The following CTNNA2 variants were observed in gnomAD, a reference collection of about 807,000 sequenced individuals.
The protein encoded by CTNNA2 is catenin alpha 2.
A neutral mutation model predicts 101.0 loss-of-function variants in CTNNA2; 42 were observed. The ratio of observed to expected loss-of-function variants is 0.42; its 90% CI spans 0.32 to 0.54. The LOEUF (loss-of-function observed/expected upper bound fraction) is 0.54, where lower values mean the gene tolerates loss of function less well. Ranked by LOEUF, CTNNA2 falls within the 20% of genes least tolerant of loss-of-function variation. CTNNA2 has a pLI of 0.14. For synonymous variants in CTNNA2, 450 were observed against 456.4 expected (o/e 0.99, Z 0.18); for missense variants, 871 against 1,223.1 (o/e 0.71, Z 4.29).
chr2:80,282,870 T>C (rs997688108), intron 7 of CTNNA2, among the ~76,000 whole-genome samples: 3 of 150,916 alleles, frequency 2.0e-5, no homozygotes, highest in Admixed American at 1.3e-4. Flanking sequence ...ATGGTTCAAG[T>C]TTTTTTTTCA....
chr2:79,403,199 C>T (rs1678307986), intron 4 of CTNNA2, among the ~76,000 whole-genome samples: 2 of 151,626 alleles, frequency 1.3e-5, no homozygotes, highest in African/African-American at 2.4e-5. Flanking sequence ...ACCTAACAAA[C>T]TAGACAATAA....
chr2:80,441,679 G>A (rs1429829930), intron 9 of CTNNA2, among the ~76,000 whole-genome samples: 1 of 152,118 alleles, frequency 6.6e-6, no homozygotes, highest in African/African-American at 2.4e-5. Context: ...GTGTAGAAAG[G>A]TCTGAAAATA....
At chr2:79,580,340 A>G (rs1297435136) in intron 1 of CTNNA2, among the ~76,000 whole-genome samples, 1 of 152,124 alleles carries the variant, frequency 6.6e-6, no homozygotes, top group African/African-American at 2.4e-5. Flanking sequence ...ATTGGCTTTG[A>G]GTTGGAAAAG....
intron 1 of CTNNA2, among the ~76,000 whole-genome samples, chr2:79,639,002 G>A (rs1309090913): frequency 6.6e-6 from 1 of 152,122 alleles, no homozygotes; most frequent in African/African-American, 2.4e-5. Flanking sequence ...CAATTCAAAA[G>A]ATCATTGATT....
chr2:80,380,028 CTTTTTTTTTTTT>C (rs769794108), intron 7 of CTNNA2, among the ~76,000 whole-genome samples: 13 of 86,522 alleles, frequency 1.5e-4, no homozygotes, highest in African/African-American at 5.2e-4. Context: ...TCGAGATGTA[CTTTTTTTTTTTT>C]TTTTTTTTTT....
chr2:79,598,754 A>T (rs939590505), intron 1 of CTNNA2, among the ~76,000 whole-genome samples: 1 of 152,130 alleles, frequency 6.6e-6, no homozygotes, highest in African/African-American at 2.4e-5. Flanking sequence ...CAGTGTGTGT[A>T]TTGTCTTCTC....
intron 7 of CTNNA2, among the ~76,000 whole-genome samples, chr2:79,961,859 A>G (rs992239818): frequency 3.4e-5 from 5 of 147,090 alleles, no homozygotes; most frequent in African/African-American, 1.3e-4. Flanking sequence ...CTCTGTTGCC[A>G]TTTTTGTAAA....
chr2:80,208,391 GT>G (rs1558903838), intron 7 of CTNNA2, among the ~76,000 whole-genome samples: 1 of 152,200 alleles, frequency 6.6e-6, no homozygotes, highest in Non-Finnish European at 1.5e-5. Flanking sequence ...CTACCAAAAT[GT>G]TTGAGGTAGG....
chr2:80,233,316 C>T (rs1315083520), intron 7 of CTNNA2, among the ~76,000 whole-genome samples: 9 of 152,050 alleles, frequency 5.9e-5, no homozygotes, highest in African/African-American at 1.9e-4. Flanking sequence ...GCAATCCCAC[C>T]GAAAAAGAGC....
chr2:80,443,688 A>C (rs1682807980), intron 9 of CTNNA2, among the ~76,000 whole-genome samples: 1 of 152,160 alleles, frequency 6.6e-6, no homozygotes, highest in Non-Finnish European at 1.5e-5. Context: ...CCTCTCATCA[A>C]TTTTTCTCAT....
At chr2:80,347,235 C>T (rs1015987174) in intron 7 of CTNNA2, among the ~76,000 whole-genome samples, 1 of 152,196 alleles carries the variant, frequency 6.6e-6, no homozygotes, top group Non-Finnish European at 1.5e-5. Context: ...AGTTACAGGA[C>T]GTGGGGATGA....
At chr2:79,789,616 T>C (rs1310755892) in intron 3 of CTNNA2, among the ~76,000 whole-genome samples, 1 of 152,006 alleles carries the variant, frequency 6.6e-6, no homozygotes, top group African/African-American at 2.4e-5. Flanking sequence ...CCTATTTCAG[T>C]AGTCTAGGTT....
At chr2:80,502,049 T>C (rs1687920115) in intron 9 of CTNNA2, among the ~76,000 whole-genome samples, 4 of 152,074 alleles carry the variant, frequency 2.6e-5, no homozygotes, top group Admixed American at 2.6e-4. Flanking sequence ...GGCTGTGGAG[T>C]CAGAGAGGCC....
rs149578218 is a variant in CTNNA2 at position 79,414,365 on chromosome 2, C to T, written c.-135+40352C>T. ...GAAAGTGGGCCTGAGGATCAAAAAA[C>T]GAGGAGTAATGAGACAAAATAGAAA... On this transcript the variant is annotated intron_variant, in intron 4 of 21. Coordinates refer to the CTNNA2 transcript ENST00000466387. 5.7e-4 allele frequency among the ~76,000 whole-genome samples: 86 copies of T among 152,002 alleles called. 1 individual carries two copies. The East Asian group carries it at 0.013, about 23-fold the overall frequency.
At chr2:80,550,306 C>G (rs1315622725) in intron 11 of CTNNA2, among the ~76,000 whole-genome samples, 2 of 152,156 alleles carry the variant, frequency 1.3e-5, no homozygotes, top group Non-Finnish European at 2.9e-5. Context: ...CAGCCATAAT[C>G]TCTTTGATGG....
intron 4 of CTNNA2, among the ~76,000 whole-genome samples, chr2:79,426,008 T>C (rs1678589104): frequency 1.3e-5 from 2 of 152,270 alleles, no homozygotes; most frequent in African/African-American, 2.4e-5. Context: ...CTGTAAGTTA[T>C]GTATATAAAA....
chr2:79,439,889 C>A (rs888060446), intron 4 of CTNNA2, among the ~76,000 whole-genome samples: 2 of 152,140 alleles, frequency 1.3e-5, no homozygotes, highest in African/African-American at 4.8e-5. Context: ...GTTTGAGAAC[C>A]ACTGCCTAGG....
At chr2:80,435,975 C>T (rs932629155) in intron 9 of CTNNA2, among the ~76,000 whole-genome samples, 2 of 152,184 alleles carry the variant, frequency 1.3e-5, no homozygotes, top group Non-Finnish European at 1.5e-5. Flanking sequence ...AATTCTCTGC[C>T]TAGTGATCTC....
chr2:80,411,248 G>C (rs1251049088), intron 8 of CTNNA2, among the ~76,000 whole-genome samples: 2 of 152,142 alleles, frequency 1.3e-5, no homozygotes, highest in Non-Finnish European at 2.9e-5. Flanking sequence ...CAAATAGATT[G>C]TTGAAGTAGG....
Sources: gnomAD v4.1 joint callset for allele counts (sites outside exome capture counted in the v4.1 genomes callset) on GRCh38, gnomAD v4.1.1 for gene constraint, MANE v1.5 for transcripts, NCBI Gene and HGNC (gene_info 2026-07-23, HGNC 2026-07-21) for gene names.